The following FAM227B variants were observed in gnomAD, a reference collection of about 807,000 sequenced individuals.
FAM227B encodes family with sequence similarity 227 member B, also known as protein FAM227B.
FAM227B carries 88 observed loss-of-function variants against 73.8 expected under a neutral mutation model. The observed-to-expected ratio is 1.19, with a 90% CI of 1.00 to 1.42. The LOEUF is 1.42. Among genes scored for constraint, FAM227B ranks in the 40% most tolerant of loss-of-function variants. The pLI is 0.00. For missense variants in FAM227B, 632 were observed against 590.9 expected (o/e 1.07, Z -0.72); for synonymous variants, 210 against 190.5 (o/e 1.10, Z -0.84).
chr15:49,524,416 G>A (rs1354569684), intron 10 of FAM227B, among the ~76,000 whole-genome samples: 1 of 152,182 alleles, frequency 6.6e-6, no homozygotes, highest in Non-Finnish European at 1.5e-5. Flanking sequence ...ATTGAGGTTT[G>A]GGAACGTCCG....
intron 11 of FAM227B, among the ~76,000 whole-genome samples, chr15:49,461,520 C>G (rs564587288): frequency 2.0e-5 from 3 of 152,320 alleles, no homozygotes; most frequent in South Asian, 2.1e-4. Context: ...CTATACTTCT[C>G]CTACTTACTG....
At position 49,331,783 on chromosome 15, in the gene FAM227B, T is replaced by A; in HGVS notation, c.1416A>T (p.Lys472Asn). Reference protein sequence around the residue: ...VKQDFEKFLHKLRSEAEIERE... With the variant: ...VKQDFEKFLHNLRSEAEIERE... ...TATTTTCAGAAAGAAAACCTACCAGTTTATGTAGGAACTTCTCAAAGTCCT... is the reference window on the plus strand; with the variant it reads ...TATTTTCAGAAAGAAAACCTACCAGATTATGTAGGAACTTCTCAAAGTCCT... The change falls in exon 15 of 16, where the codon AAA becomes AAT. Residue 472 changes from lysine (K) to asparagine (N), a missense_variant. By Grantham distance (94) the Lys-to-Asn change is moderately conservative. Coordinates refer to ENST00000299338, the MANE Select transcript of FAM227B (RefSeq NM_152647.3). 6.3e-7 allele frequency: 1 copy of A among 1,587,860 alleles called. No homozygotes were observed. The highest frequency in any genetic ancestry group is 8.6e-7 in the Non-Finnish European group (1 of 1,156,338).
chr15:49,331,210 A>G (rs1245122874), intron 15 of FAM227B: 2 of 152,432 alleles, frequency 1.3e-5, no homozygotes, highest in East Asian at 1.9e-4. Flanking sequence ...ATTCAGACAT[A>G]TTGTACACTA....
chr15:49,410,606 G>A (rs2048807954), intron 11 of FAM227B, among the ~76,000 whole-genome samples: 1 of 151,784 alleles, frequency 6.6e-6, no homozygotes, highest in African/African-American at 2.4e-5. Flanking sequence ...TTGTCATTTT[G>A]AAAAAGGTTT....
chr15:49,415,250 T>A (rs1023683), intron 11 of FAM227B, among the ~76,000 whole-genome samples: 29,121 of 152,068 alleles, frequency 0.19, 3,159 homozygotes, highest in Non-Finnish European at 0.24. Flanking sequence ...AACCAAATAA[T>A]GACAATTTAG....
At chr15:49,542,869 GTA>G (rs948342545) in intron 9 of FAM227B, among the ~76,000 whole-genome samples, 1 of 151,130 alleles carries the variant, frequency 6.6e-6, no homozygotes. Context: ...ATTTCTTTTT[GTA>G]TATATATATA....
At chr15:49,385,829 C>G (rs572923646) in intron 11 of FAM227B, among the ~76,000 whole-genome samples, 1 of 151,410 alleles carries the variant, frequency 6.6e-6, no homozygotes, top group Non-Finnish European at 1.5e-5. Context: ...AAATGGAAAC[C>G]AAAAGTGAGC....
intron 11 of FAM227B, among the ~76,000 whole-genome samples, chr15:49,465,672 AATCTGAG>A (rs909276157): frequency 3.9e-5 from 6 of 152,180 alleles, no homozygotes; most frequent in African/African-American, 1.2e-4. Context: ...CATAAAATAC[AATCTGAG>A]ATAAAGTATT....
intron 10 of FAM227B, among the ~76,000 whole-genome samples, chr15:49,527,820 G>C (rs926311729): frequency 1.3e-5 from 2 of 151,674 alleles, no homozygotes; most frequent in Non-Finnish European, 3.0e-5. Flanking sequence ...TCTCTACAAA[G>C]AGAACTACAT....
intron 15 of FAM227B, 35 bp from the exon 16 acceptor site, chr15:49,328,710 T>A: frequency 6.5e-7 from 1 of 1,547,950 alleles, no homozygotes; most frequent in South Asian, 1.2e-5. Context: ...GTTTCACAGA[T>A]CTTCTTGGAC....
chr15:49,430,767 A>T lies in FAM227B; in HGVS notation c.1013-59368T>A, dbSNP rs191721131. Among the ~76,000 whole-genome samples the T allele has an allele frequency of 2.6e-5, 4 of 151,940 alleles. No individual in the cohort carries two copies. In the East Asian group the frequency reaches 7.8e-4, roughly 30 times the overall value. On this transcript the variant is annotated intron_variant, in intron 11 of 15. Coordinates refer to ENST00000299338, the MANE Select transcript of FAM227B (RefSeq NM_152647.3). ...AACTCACTTCTGAGAAAATGACATT[A>T]ATCTATTCAGGAGGTTGAAGCCTTC...
chr15:49,499,628 T>C (rs931775627), intron 11 of FAM227B, among the ~76,000 whole-genome samples: 1 of 152,202 alleles, frequency 6.6e-6, no homozygotes, highest in Non-Finnish European at 1.5e-5. Context: ...GGAGGACTTA[T>C]AGTACCTAAC....
intron 13 of FAM227B, among the ~76,000 whole-genome samples, chr15:49,357,332 C>T (rs1398656942): frequency 1.3e-3 from 190 of 147,022 alleles, no homozygotes; most frequent in African/African-American, 4.1e-3. Flanking sequence ...ATTGATAGAC[C>T]GCTAGCAAGA....
intron 10 of FAM227B, among the ~76,000 whole-genome samples, chr15:49,513,871 GT>G: frequency 6.6e-6 from 1 of 152,188 alleles, no homozygotes; most frequent in East Asian, 1.9e-4. Context: ...CCCATCGCTT[GT>G]TTTTGTCAGG....
At chr15:49,547,367 T>G in intron 9 of FAM227B, among the ~76,000 whole-genome samples, 2 of 149,342 alleles carry the variant, frequency 1.3e-5, no homozygotes, top group Non-Finnish European at 3.0e-5. Flanking sequence ...AGAAACTGCA[T>G]CAACTAACAA....
At chr15:49,377,766 G>A (rs561543357) in intron 11 of FAM227B, among the ~76,000 whole-genome samples, 1 of 152,058 alleles carries the variant, frequency 6.6e-6, no homozygotes. Context: ...TTAATCCCTT[G>A]TCAGATAAGT....
intron 3 of FAM227B, among the ~76,000 whole-genome samples, chr15:49,591,027 T>TG (rs2076501010): frequency 7.3e-6 from 1 of 136,830 alleles, no homozygotes; most frequent in Admixed American, 7.4e-5. Flanking sequence ...TCTCTTTTTT[T>TG]TGTTTTTTTT....
rs557118622 is a variant in FAM227B, at chr15:49,587,128, C to T, written c.405+888G>A. On this transcript the variant is annotated intron_variant, in intron 5 of 15. Transcript: ENST00000299338. ...GCATAAAGAAAATGTGGTATATATA[C>T]ACCACGGAATACTATGCAGCCCTAA... 5.3e-5 allele frequency among the ~76,000 whole-genome samples: 8 copies of T among 152,298 alleles called. No homozygotes were observed. In the East Asian group the frequency reaches 1.2e-3, roughly 22 times the overall value.
intron 11 of FAM227B, among the ~76,000 whole-genome samples, chr15:49,504,500 C>T (rs34246470): frequency 0.25 from 37,891 of 152,034 alleles, 5,685 homozygotes; most frequent in Non-Finnish European, 0.35. Context: ...GCACCACTCG[C>T]GTTCCCTGAA....
Sources: allele counts gnomAD v4.1 joint callset (sites outside exome capture counted in the v4.1 genomes callset), GRCh38; gene constraint gnomAD v4.1.1; transcripts MANE v1.5; gene names NCBI Gene and HGNC (gene_info 2026-07-23, HGNC 2026-07-21).